Variants in FHIT observed in about 807,000 individuals in gnomAD.
FHIT encodes fragile histidine triad diadenosine triphosphatase.
In FHIT, 19 loss-of-function variants were observed where a neutral mutation model predicts 17.9. The observed-to-expected ratio is 1.06, with a 90% CI of 0.74 to 1.56. FHIT has a LOEUF of 1.56. Among genes scored for constraint, FHIT ranks in the 40% most tolerant of loss-of-function variants. FHIT has a pLI of 0.00. For synonymous variants in FHIT, 81 were observed against 69.7 expected, an observed-to-expected ratio of 1.16 and a Z score of -0.81; for missense variants, 248 against 189.2, an observed-to-expected ratio of 1.31 and a Z score of -1.82.
intron 5 of FHIT, among the ~76,000 whole-genome samples, chr3:60,340,990 A>G (rs1259391677): frequency 1.3e-5 from 2 of 152,268 alleles, no homozygotes; most frequent in East Asian, 1.9e-4. Context: ...CACCCGGCCT[A>G]TATGAGAATT....
chr3:60,515,649 A>G (rs573320417), intron 5 of FHIT, among the ~76,000 whole-genome samples: 5 of 152,300 alleles, frequency 3.3e-5, no homozygotes, highest in Admixed American at 1.3e-4. Context: ...AAATCACATT[A>G]GACTCTTCTA....
At chr3:60,144,868 C>G (rs1014548712) in intron 5 of FHIT, among the ~76,000 whole-genome samples, 2 of 152,060 alleles carry the variant, frequency 1.3e-5, no homozygotes, top group African/African-American at 4.8e-5. Flanking sequence ...AGTTTTAATT[C>G]TTTTCTTAAA....
intron 5 of FHIT, among the ~76,000 whole-genome samples, chr3:60,350,754 C>T (rs1285465715): frequency 3.3e-5 from 5 of 152,076 alleles, no homozygotes; most frequent in Non-Finnish European, 5.9e-5. Flanking sequence ...TGATCCAGCC[C>T]CCTGTATTCA....
At chr3:60,192,871 A>G (rs1702469432) in intron 5 of FHIT, among the ~76,000 whole-genome samples, 1 of 152,204 alleles carries the variant, frequency 6.6e-6, no homozygotes, top group African/African-American at 2.4e-5. Flanking sequence ...AATTGTTTAT[A>G]GGTTATATGA....
intron 2 of FHIT, among the ~76,000 whole-genome samples, chr3:61,119,986 T>C (rs374410947): frequency 2.0e-5 from 3 of 152,362 alleles, no homozygotes; most frequent in East Asian, 3.9e-4. Flanking sequence ...TAATTCCTCA[T>C]AATAAATCTC....
intron 5 of FHIT, among the ~76,000 whole-genome samples, chr3:60,261,517 T>C (rs1374325299): frequency 6.6e-6 from 1 of 152,038 alleles, no homozygotes; most frequent in Non-Finnish European, 1.5e-5. Context: ...AGAGACCCTG[T>C]TGATTTTCAC....
At chr3:60,650,556 A>G (rs1369324638) in intron 4 of FHIT, among the ~76,000 whole-genome samples, 1 of 152,228 alleles carries the variant, frequency 6.6e-6, no homozygotes, top group African/African-American at 2.4e-5. Context: ...GACTTTCGAC[A>G]TCTGATGTGA....
intron 5 of FHIT, among the ~76,000 whole-genome samples, chr3:60,169,400 G>C (rs966643266): frequency 6.6e-6 from 1 of 152,128 alleles, no homozygotes; most frequent in East Asian, 1.9e-4. Flanking sequence ...AAGCATGTTG[G>C]CTAATTTATA....
intron 5 of FHIT, among the ~76,000 whole-genome samples, chr3:60,102,138 C>T (rs1704217878): frequency 1.3e-5 from 2 of 152,198 alleles, no homozygotes; most frequent in Admixed American, 1.3e-4. Context: ...CAATACCTGG[C>T]ACACAATAGG....
At chr3:60,066,810 C>T (rs1197189149) in intron 5 of FHIT, among the ~76,000 whole-genome samples, 1 of 151,828 alleles carries the variant, frequency 6.6e-6, no homozygotes, top group African/African-American at 2.4e-5. Flanking sequence ...GCACCCACCA[C>T]CATGCCCGGC....
intron 5 of FHIT, among the ~76,000 whole-genome samples, chr3:60,285,800 T>C (rs928836652): frequency 2.0e-5 from 3 of 152,234 alleles, no homozygotes; most frequent in African/African-American, 2.4e-5. Flanking sequence ...TCGATGTACA[T>C]AGTTTTGAGG....
At chr3:61,054,587 A>G (rs2034147972) in intron 2 of FHIT, among the ~76,000 whole-genome samples, 1 of 152,164 alleles carries the variant, frequency 6.6e-6, no homozygotes, top group Admixed American at 6.5e-5. Flanking sequence ...TGGTTTTCAG[A>G]TATTTCTGTA....
At chr3:60,519,612 GGAAGA>G (rs1203086914) in intron 5 of FHIT, among the ~76,000 whole-genome samples, 7 of 152,056 alleles carry the variant, frequency 4.6e-5, no homozygotes, top group Admixed American at 3.3e-4. Flanking sequence ...AAAACCATAA[GGAAGA>G]GAAAAGACAT....
In FHIT at chr3:60,804,990, C is replaced by T. The variant is rs551181400; in HGVS notation, c.-18+16929G>A. Among the ~76,000 whole-genome samples the T allele has an allele frequency of 5.9e-5, 9 of 152,276 alleles. No individual in the cohort carries two copies. In the South Asian group the frequency reaches 1.4e-3, roughly 25 times the overall value. ...GACAGATCCTTTTGAGCATAATCCA[C>T]GAGTAACTAGCACATAGTAGATACT... On this transcript the variant is annotated intron_variant, in intron 4 of 9. Coordinates refer to ENST00000492590, the MANE Select transcript of FHIT (RefSeq NM_002012.4).
chr3:60,503,960 TAAGA>T (rs781138063), intron 5 of FHIT, among the ~76,000 whole-genome samples: 2 of 152,214 alleles, frequency 1.3e-5, no homozygotes, highest in African/African-American at 2.4e-5. Flanking sequence ...GTATTGATTT[TAAGA>T]AAGAGCAAAT....
intron 8 of FHIT, among the ~76,000 whole-genome samples, chr3:59,810,359 A>G (rs1433183261): frequency 6.6e-6 from 1 of 152,152 alleles, no homozygotes; most frequent in Non-Finnish European, 1.5e-5. Context: ...TTGGCATGAA[A>G]CAGATTTCTG....
intron 5 of FHIT, among the ~76,000 whole-genome samples, chr3:60,358,586 C>A (rs540991609): frequency 6.6e-6 from 1 of 152,268 alleles, no homozygotes; most frequent in African/African-American, 2.4e-5. Flanking sequence ...CTGACATAAA[C>A]AAAATCAGCT....
intron 5 of FHIT, among the ~76,000 whole-genome samples, chr3:60,296,627 G>C (rs1381540879): frequency 6.6e-6 from 1 of 151,954 alleles, no homozygotes; most frequent in Non-Finnish European, 1.5e-5. Context: ...TCTTAGCAGA[G>C]TCTTTCAGAG....
intron 8 of FHIT, among the ~76,000 whole-genome samples, chr3:59,823,818 A>G (rs1425492462): frequency 6.6e-6 from 1 of 152,176 alleles, no homozygotes; most frequent in East Asian, 1.9e-4. Context: ...CACCACTTCT[A>G]TTCAACACAG....
Sources: gnomAD v4.1 joint callset for allele counts (sites outside exome capture counted in the v4.1 genomes callset) on GRCh38, gnomAD v4.1.1 for gene constraint, MANE v1.5 for transcripts, NCBI Gene and HGNC (gene_info 2026-07-23, HGNC 2026-07-21) for gene names.